Variants in PKD1L3 observed in about 807,000 individuals in gnomAD.
PKD1L3 encodes polycystin-1-like protein 3.
PKD1L3 carries 239 observed loss-of-function variants against 184.1 expected under a neutral mutation model. The ratio of observed to expected loss-of-function variants is 1.30; its 90% CI spans 1.17 to 1.45. The LOEUF (loss-of-function observed/expected upper bound fraction) is 1.45, where lower values mean the gene tolerates loss of function less well. Ranked by LOEUF, PKD1L3 falls within the 40% of genes most tolerant of loss-of-function variation. PKD1L3 has a pLI of 0.00. For synonymous variants in PKD1L3, 996 were observed against 778.8 expected (o/e 1.28, Z -4.64); for missense variants, 2,660 against 2,067.2 (o/e 1.29, Z -5.56).
intron 4 of PKD1L3, among the ~76,000 whole-genome samples, chr16:71,988,781 T>TA (rs1049806802): frequency 9.2e-5 from 14 of 151,972 alleles, no homozygotes; most frequent in South Asian, 8.3e-4. Context: ...GGAGCCCTCA[T>TA]AAAAAAAATG....
At chr16:71,952,441 G>A (rs1011312554) in intron 18 of PKD1L3, among the ~76,000 whole-genome samples, 1 of 150,754 alleles carries the variant, frequency 6.6e-6, no homozygotes, top group Non-Finnish European at 1.5e-5. Context: ...GGATGGTCTC[G>A]ATCTCCTGAC....
At chr16:71,983,069 T>A (rs994450321) in intron 6 of PKD1L3, among the ~76,000 whole-genome samples, 1 of 152,202 alleles carries the variant, frequency 6.6e-6, no homozygotes, top group Non-Finnish European at 1.5e-5. Context: ...ACAATTCTTT[T>A]TGAGTGGTGA....
chr16:71,979,707 G>T, intron 9 of PKD1L3, 79 bp downstream of exon 9: 1 of 1,422,202 alleles, frequency 7.0e-7, no homozygotes, highest in Non-Finnish European at 9.3e-7. Flanking sequence ...TACATTTCAT[G>T]ATACATTACT....
rs2039558165 is a variant in PKD1L3, at chr16:71,967,814, A to G, written c.2286+92T>C. 9.7e-6 allele frequency: 10 copies of G among 1,034,658 alleles called. No individual in the cohort carries two copies. The Middle Eastern group carries it at 1.0e-3, about 107-fold the overall frequency. 64.1% of individuals were successfully genotyped at this position (1,034,658 alleles called of 1,614,324 possible). ...AATACCAATCTCTAGTCTCTTTTAA[A>G]GTGCTATTGGTTGCCAGGATATCAC... On this transcript the variant is annotated intron_variant, in intron 14 of 29. Coordinates refer to ENST00000620267, the MANE Select transcript of PKD1L3 (RefSeq NM_181536.2).
intron 19 of PKD1L3, 33 bp downstream of exon 19, chr16:71,951,531 G>A: frequency 7.2e-6 from 11 of 1,527,524 alleles, no homozygotes; most frequent in Non-Finnish European, 9.7e-6. Flanking sequence ...GAGGCAGATG[G>A]AAGATTCGTT....
intron 11 of PKD1L3, among the ~76,000 whole-genome samples, chr16:71,975,212 C>T (rs1219493186): frequency 5.1e-5 from 7 of 136,090 alleles, no homozygotes; most frequent in African/African-American, 8.1e-5. Context: ...CACGCCACCA[C>T]GCTCGGCTAA....
intron 3 of PKD1L3, among the ~76,000 whole-genome samples, chr16:71,990,588 G>C (rs973795817): frequency 6.6e-6 from 1 of 152,010 alleles, no homozygotes; most frequent in African/African-American, 2.4e-5. Context: ...ATAATAATTA[G>C]CCGGGCGTGG....
At chr16:71,980,558 G>C (rs1461452910) in intron 7 of PKD1L3, among the ~76,000 whole-genome samples, 2 of 152,122 alleles carry the variant, frequency 1.3e-5, no homozygotes, top group Admixed American at 6.6e-5. Flanking sequence ...TGGTGGCCGG[G>C]TGTGGTGGCT....
Position 71,937,320 on chromosome 16 carries a change from AGAT to A in PKD1L3, c.4421_4423del (p.Tyr1474del), listed in dbSNP as rs1333704859. 6.4e-7 allele frequency: 1 copy of A among 1,551,508 alleles called. No individual in the cohort carries two copies. Among genetic ancestry groups the A allele is most frequent in the Non-Finnish European group, 8.7e-7 (1 of 1,146,958 alleles). On this transcript the variant is annotated inframe_deletion, in exon 25 of 30. Transcript: ENST00000620267. Reference sequence around the variant, plus strand: ...TATGAAGGCATAGTAACAGACCAGTAGATAATAGATGACTTGTGAGATGATAGA... The same window carrying A: ...TATGAAGGCATAGTAACAGACCAGTAAATAGATGACTTGTGAGATGATAGA...
intron 2 of PKD1L3, among the ~76,000 whole-genome samples, chr16:71,995,988 A>AG (rs1555528227): frequency 1.3e-5 from 2 of 151,678 alleles, no homozygotes; most frequent in African/African-American, 4.8e-5. Context: ...GCATTACGCT[A>AG]TTTTTTTTGG....
In PKD1L3 at chr16:71,978,323, T is replaced by C. The variant is rs980375200; in HGVS notation, c.1459A>G (p.Ile487Val). 9.7e-6 allele frequency: 15 copies of C among 1,550,842 alleles called. No homozygotes were observed. The highest frequency in any genetic ancestry group is 1.3e-5 in the Non-Finnish European group (15 of 1,146,552). The change falls in exon 10 of 30, where the codon ATT becomes GTT. Residue 487 changes from isoleucine to valine, a missense_variant. Coordinates refer to ENST00000620267, the MANE Select transcript of PKD1L3 (RefSeq NM_181536.2). ...DLDNRNIVGS[I>V]GSVLLSANRK... ...TTAGCGCTTAGTAACACACTTCCAA[T>C]GCTTCCAACAATGTTTCTGTTGTCC...
chr16:71,937,341 A>G lies in PKD1L3; in HGVS notation c.4403T>C (p.Ile1468Thr), dbSNP rs1179413886. ...MSKKGCVWSI[I>T]SQVIYYLLVC... ...CAGTAGATAATAGATGACTTGTGAGATGATAGACCAGACACAGCCCTTCTT... is the reference window on the plus strand; with the variant it reads ...CAGTAGATAATAGATGACTTGTGAGGTGATAGACCAGACACAGCCCTTCTT... The change falls in exon 25 of 30, where the codon ATC becomes ACC. Residue 1468 changes from isoleucine to threonine, a missense_variant. Physicochemically the swap from Ile to Thr is moderately conservative, Grantham distance 89 (BLOSUM62 -1). Coordinates refer to ENST00000620267, the MANE Select transcript of PKD1L3 (RefSeq NM_181536.2). The G allele has an allele frequency of 1.9e-6, 3 of 1,551,700 alleles. No homozygotes were observed. Among genetic ancestry groups the G allele is most frequent in the South Asian group, 1.2e-5 (1 of 84,056 alleles).
rs370353121 is a variant in PKD1L3, at chr16:71,963,066, C to A, written c.2612+139G>T. The A allele has an allele frequency of 6.5e-6, 6 of 916,598 alleles. No homozygotes were observed. In the East Asian group the frequency reaches 9.1e-5, roughly 14 times the overall value. 56.8% of individuals were successfully genotyped at this position (916,598 alleles called of 1,614,324 possible). On this transcript the variant is annotated intron_variant, in intron 16 of 29. Transcript: ENST00000620267. ...AAGGTAATGGTTACACCAGTTACAA[C>A]CACAACAGTAATGCTTATGTATGTT...
chr16:71,986,500 C>A, intron 4 of PKD1L3, 31 bp from the exon 5 acceptor site: 2 of 1,534,216 alleles, frequency 1.3e-6, no homozygotes, highest in Non-Finnish European at 8.8e-7. Flanking sequence ...AAGGAAAAGA[C>A]TGAATCTGAT....
Position 71,942,732 on chromosome 16 carries a change from C to G in PKD1L3, c.4152G>C (p.Ala1384=). 6.4e-7 allele frequency: 1 copy of G among 1,551,694 alleles called. No individual in the cohort carries two copies. The highest frequency in any genetic ancestry group is 8.7e-7 in the Non-Finnish European group (1 of 1,147,004). ...CACAGGTATGGCCGTTATCACAAAACGCCAGCTGACCTTCGTCCACTTTCT... is the reference window on the plus strand; with the variant it reads ...CACAGGTATGGCCGTTATCACAAAAGGCCAGCTGACCTTCGTCCACTTTCT... ...TYEKVDEGQL[A]FCDNGHTCGR... The change falls in exon 24 of 30, where the codon GCG becomes GCC. Residue 1384 remains alanine (A), a synonymous_variant. Transcript: ENST00000620267.
At position 71,986,425 on chromosome 16, in the gene PKD1L3, T is replaced by C; in HGVS notation, c.630A>G (p.Leu210=). 6.4e-7 allele frequency: 1 copy of C among 1,551,898 alleles called. No homozygotes were observed. The highest frequency in any genetic ancestry group is 1.4e-5 in the African/African-American group (1 of 73,152). ...ATGTTACCTGTGATGTGATACTTGA[T>C]AGTACTGAAGGAAACTGGCTGATGG... ...CHPISQFPSV[L]SSITSQVTSA... The change falls in exon 5 of 30, where the codon CTA becomes CTG. Residue 210 remains leucine, a synonymous_variant. Coordinates refer to ENST00000620267, the MANE Select transcript of PKD1L3 (RefSeq NM_181536.2).
Position 71,975,880 on chromosome 16 carries a change from G to C in PKD1L3, c.1759+1356C>G, listed in dbSNP as rs1027125557. On this transcript the variant is annotated intron_variant, in intron 11 of 29. Transcript: ENST00000620267. ...AGTGATTGTATTAATGTTATTTTCT[G>C]GTTGTGATATACTCTAGTTATGCAA... is the stretch of plus-strand genomic sequence containing the variant. Among the ~76,000 whole-genome samples the C allele has an allele frequency of 6.6e-5, 10 of 152,220 alleles. No individual in the cohort carries two copies. In the East Asian group the frequency reaches 1.9e-3, roughly 29 times the overall value.
At chr16:71,999,495 T>C (rs1277439632) in intron 1 of PKD1L3, among the ~76,000 whole-genome samples, 189 bp downstream of exon 1, 1 of 152,140 alleles carries the variant, frequency 6.6e-6, no homozygotes, top group Non-Finnish European at 1.5e-5. Flanking sequence ...ATTGCATCAT[T>C]TTTGCTAACA....
At chr16:71,958,201 A>T (rs899324704) in intron 16 of PKD1L3, among the ~76,000 whole-genome samples, 1 of 150,992 alleles carries the variant, frequency 6.6e-6, no homozygotes, top group Non-Finnish European at 1.5e-5. Context: ...TCCCGGCTAA[A>T]ACGGTGAAAC....
Sources: gnomAD v4.1 joint callset for allele counts (sites outside exome capture counted in the v4.1 genomes callset) on GRCh38, gnomAD v4.1.1 for gene constraint, MANE v1.5 for transcripts, NCBI Gene and HGNC (gene_info 2026-07-23, HGNC 2026-07-21) for gene names.